Variants in SPIRE2 observed in about 807,000 individuals in gnomAD.
The protein encoded by SPIRE2 is protein spire homolog 2.
Under a neutral mutation model 80.7 loss-of-function variants are expected in SPIRE2, and 76 were observed. The ratio of observed to expected loss-of-function variants is 0.94; its 90% CI spans 0.78 to 1.14. The LOEUF (loss-of-function observed/expected upper bound fraction) is 1.14, where lower values mean the gene tolerates loss of function less well. Among genes scored for constraint, SPIRE2 ranks in the 50% most tolerant of loss-of-function variants. The pLI, the probability that SPIRE2 is intolerant of heterozygous loss-of-function variation, is 0.00. For synonymous variants in SPIRE2, 535 were observed against 432.6 expected (o/e 1.24, Z -2.94); for missense variants, 1,196 against 1,015.3 (o/e 1.18, Z -2.42).
In SPIRE2 at chr16:89,868,194, T is replaced by C; in HGVS notation, c.1784T>C (p.Val595Ala). 1 of 1,614,106 alleles carries C rather than the reference T, an allele frequency of 6.2e-7. No individual in the cohort carries two copies. Among genetic ancestry groups the C allele is most frequent in the South Asian group, 1.1e-5 (1 of 91,072 alleles). Residue 595 changes from valine (V) to alanine (A), a missense_variant, in exon 13 of 15, where the codon GTC (valine) becomes GCC (alanine). Coordinates refer to ENST00000378247, the MANE Select transcript of SPIRE2 (RefSeq NM_032451.2). The part of the protein sequence containing the change: ...PPSCLFCKRA[V>A]CTSCSIKMKM... ...TTTCCTCTGTTCCCTTCCAGAGCCG[T>C]CTGCACTTCCTGTAGCATAAAGGTG...
In SPIRE2 at chr16:89,859,175, C is replaced by A. The variant is rs1169748634; in HGVS notation, c.1283C>A (p.Ser428Tyr). ...EEMNTSEEEE[S>Y]PCGEVTLKRD... Reference sequence around the variant, plus strand: ...CTGGTGTGTCCACAGGAAGAAGAGTCTCCGTGTGGGGAGGTGACGCTGAAA... The same window carrying A: ...CTGGTGTGTCCACAGGAAGAAGAGTATCCGTGTGGGGAGGTGACGCTGAAA... The change falls in exon 9 of 15, where the codon TCT (serine) becomes TAT (tyrosine). Residue 428 changes from serine to tyrosine, a missense_variant. Coordinates refer to ENST00000378247, the MANE Select transcript of SPIRE2 (RefSeq NM_032451.2). 6.3e-7 allele frequency: 1 copy of A among 1,577,374 alleles called. No homozygotes were observed. The highest frequency in any genetic ancestry group is 8.6e-7 in the Non-Finnish European group (1 of 1,159,212).
chr16:89,866,634 A>G (rs1206993470), intron 12 of SPIRE2, among the ~76,000 whole-genome samples: 1 of 140,982 alleles, frequency 7.1e-6, no homozygotes, highest in Non-Finnish European at 1.5e-5. Flanking sequence ...TTTGAGATGG[A>G]ATCTCACTCT....
At chr16:89,865,038 G>A (rs1022956307) in intron 12 of SPIRE2, among the ~76,000 whole-genome samples, 2 of 133,626 alleles carry the variant, frequency 1.5e-5, no homozygotes, top group African/African-American at 2.8e-5. Flanking sequence ...AAGGAGTCTC[G>A]CTCTGGCGCC....
chr16:89,869,912 C>A, intron 14 of SPIRE2, 138 bp from the exon 15 acceptor site: 1 of 760,024 alleles, frequency 1.3e-6, no homozygotes, highest in Non-Finnish European at 2.2e-6. Flanking sequence ...ACACTGCTAG[C>A]TGTGTTTGTT....
chr16:89,836,131 C>A (rs1034290533), intron 1 of SPIRE2: 3 of 448,874 alleles, frequency 6.7e-6, no homozygotes, highest in African/African-American at 6.0e-5. Flanking sequence ...GTCGAGATTG[C>A]GCCACTGCCC....
intron 1 of SPIRE2, among the ~76,000 whole-genome samples, chr16:89,838,748 C>T (rs2041474916): frequency 6.6e-6 from 1 of 152,168 alleles, no homozygotes; most frequent in Non-Finnish European, 1.5e-5. Flanking sequence ...GTCCAACAGC[C>T]CGTGCTAGGA....
chr16:89,859,483 C>G, intron 9 of SPIRE2, 129 bp downstream of exon 9: 1 of 451,568 alleles, frequency 2.2e-6, no homozygotes, highest in East Asian at 3.5e-5. Context: ...GAGCTCGTGC[C>G]TGCAAGACGG....
At chr16:89,865,337 A>G (rs2041780098) in intron 12 of SPIRE2, among the ~76,000 whole-genome samples, 1 of 152,196 alleles carries the variant, frequency 6.6e-6, no homozygotes, top group Admixed American at 6.5e-5. Context: ...TCACTATGGT[A>G]AGGTGAATCA....
rs72242407 is a variant in SPIRE2, at chr16:89,871,118, CTGCCCT to C, written c.*854_*859del. On this transcript the variant is annotated 3_prime_UTR_variant, in exon 15 of 15. Transcript: ENST00000378247. ...AAAAAGGTCCGTGCCAAGCTGCTCC[CTGCCCT>C]TGCCCTTTCCCTTTCCCTGGGGTCC... 0.1 allele frequency: 15,843 copies of C among 152,744 alleles called. 1,047 individuals carry two copies. Among genetic ancestry groups the C allele is most frequent in the East Asian group, 0.25 (1,285 of 5,166 alleles). 9.5% of individuals were successfully genotyped at this position (152,744 alleles called of 1,614,324 possible). A position where few individuals can be genotyped will look rare whatever the true frequency, so the allele number is the denominator to read the frequency against.
intron 3 of SPIRE2, among the ~76,000 whole-genome samples, chr16:89,853,724 G>A (rs962784151): frequency 1.3e-5 from 2 of 152,092 alleles, no homozygotes; most frequent in Non-Finnish European, 2.9e-5. Flanking sequence ...CGTGACGGAG[G>A]CAGCAGGTGC....
At chr16:89,833,854 C>T (rs903854165) in intron 1 of SPIRE2, among the ~76,000 whole-genome samples, 2 of 152,144 alleles carry the variant, frequency 1.3e-5, no homozygotes, top group Non-Finnish European at 2.9e-5. Context: ...GGGCGTGTTT[C>T]CCTGTGACGT....
intron 13 of SPIRE2, among the ~76,000 whole-genome samples, chr16:89,869,067 T>TAC (rs2041815975): frequency 1.1e-5 from 1 of 87,224 alleles, no homozygotes; most frequent in Non-Finnish European, 2.2e-5. Context: ...TATATATATA[T>TAC]ATATATATGT....
intron 5 of SPIRE2, among the ~76,000 whole-genome samples, chr16:89,854,969 C>T (rs1015250684): frequency 1.3e-5 from 2 of 151,930 alleles, no homozygotes; most frequent in South Asian, 2.1e-4. Flanking sequence ...GACGGAGTCT[C>T]GCTCTGTCGC....
chr16:89,831,200 C>T lies in SPIRE2; in HGVS notation c.244+2406C>T, dbSNP rs968092709. Among the ~76,000 whole-genome samples, 8 of 150,514 alleles carry T rather than the reference C, an allele frequency of 5.3e-5. No homozygotes were observed. The East Asian group carries it at 7.8e-4, about 15-fold the overall frequency. ...CTGGGATTACAGGCGTGAGCCACTG[C>T]GCCCAGCTGGGTGGTTTCTCAAATA... On this transcript the variant is annotated intron_variant, in intron 1 of 14. Coordinates refer to ENST00000378247, the MANE Select transcript of SPIRE2 (RefSeq NM_032451.2).
intron 1 of SPIRE2, among the ~76,000 whole-genome samples, chr16:89,842,466 G>A (rs989557765): frequency 4.5e-4 from 69 of 152,156 alleles, no homozygotes; most frequent in African/African-American, 1.5e-3. Context: ...ACCCACTTCG[G>A]CCTCCCGAAG....
At chr16:89,852,993 C>CCGTCCTCCCTCT (rs764691224) in intron 3 of SPIRE2, among the ~76,000 whole-genome samples, 2 of 140,244 alleles carry the variant, frequency 1.4e-5, no homozygotes, top group South Asian at 2.3e-4. Context: ...GGCCCGTCTT[C>CCGTCCTCCCTCT]CATCCTCCCT....
chr16:89,839,157 T>C (rs887582029), intron 1 of SPIRE2, among the ~76,000 whole-genome samples: 165 of 152,086 alleles, frequency 1.1e-3, no homozygotes, highest in African/African-American at 2.7e-3. Context: ...CTGGCTAACA[T>C]GGTGAAACCC....
chr16:89,831,872 C>T (rs1196592188), intron 1 of SPIRE2, among the ~76,000 whole-genome samples: 2 of 151,414 alleles, frequency 1.3e-5, no homozygotes, highest in Non-Finnish European at 3.0e-5. Flanking sequence ...TGCTGTTTCG[C>T]AGCCCCGCGC....
intron 2 of SPIRE2, among the ~76,000 whole-genome samples, chr16:89,848,880 G>A (rs2041592236): frequency 2.2e-5 from 3 of 138,256 alleles, no homozygotes; most frequent in Admixed American, 1.4e-4. Flanking sequence ...GCCTTCTGCG[G>A]CGTTTCTGCA....
Sources: allele counts gnomAD v4.1 joint callset (sites outside exome capture counted in the v4.1 genomes callset), GRCh38; gene constraint gnomAD v4.1.1; transcripts MANE v1.5; gene names NCBI Gene and HGNC (gene_info 2026-07-23, HGNC 2026-07-21).